The following MCF2L variants were observed in gnomAD, a reference collection of about 807,000 sequenced individuals.
The protein encoded by MCF2L is guanine nucleotide exchange factor DBS.
In MCF2L, 97 loss-of-function variants were observed where a neutral mutation model predicts 153.4. The ratio of observed to expected loss-of-function variants is 0.63; its 90% confidence interval spans 0.54 to 0.75. The LOEUF (loss-of-function observed/expected upper bound fraction) is 0.75. Ranked by LOEUF, MCF2L falls within the 30% of genes least tolerant of loss-of-function variation. The probability of loss-of-function intolerance (pLI) is 0.00; values close to 1 mark genes in which losing one functional copy is unlikely to be tolerated. For synonymous variants in MCF2L, 659 were observed against 632.2 expected (o/e 1.04, Z -0.64); for missense variants, 1,347 against 1,495.2 (o/e 0.90, Z 1.64).
intron 1 of MCF2L, among the ~76,000 whole-genome samples, chr13:112,994,970 G>A (rs979470768): frequency 5.3e-5 from 8 of 152,248 alleles, no homozygotes; most frequent in Non-Finnish European, 1.2e-4. Flanking sequence ...GGGCTGCGGA[G>A]ACTTCCCCAG....
At chr13:113,011,412 A>G (rs143746740) in intron 1 of MCF2L, among the ~76,000 whole-genome samples, 108 of 151,754 alleles carry the variant, frequency 7.1e-4, no homozygotes, top group African/African-American at 2.4e-3. Context: ...AGTGCAGATG[A>G]TGGACAGGTG....
intron 2 of MCF2L, chr13:112,909,397 C>G: frequency 1.3e-6 from 1 of 749,102 alleles, no homozygotes; most frequent in Non-Finnish European, 2.5e-6. Flanking sequence ...GGCGTTGATC[C>G]CAAGGGGCTG....
chr13:113,074,871 C>A lies in MCF2L; in HGVS notation c.1117-127C>A. On this transcript the variant is annotated intron_variant, in intron 10 of 29. Coordinates refer to ENST00000535094, the MANE Select transcript of MCF2L (RefSeq NM_001112732.3). The surrounding 1 kb of genome is among the most constrained non-coding windows in gnomAD (Gnocchi z 4.2). Reference sequence around the variant, plus strand: ...TTCGGGGATTAAGCAGCATCTCAGGCATCCGCAGCAGTAAACAAAGAAATC... The same window carrying A: ...TTCGGGGATTAAGCAGCATCTCAGGAATCCGCAGCAGTAAACAAAGAAATC... 2 of 903,416 alleles carry A rather than the reference C, an allele frequency of 2.2e-6. No individual in the cohort carries two copies. The highest frequency in any genetic ancestry group is 3.4e-6 in the Non-Finnish European group (2 of 594,206). The allele number at this position is 903,416 out of a possible 1,614,324, so 56.0% of individuals were successfully genotyped here. A position where few individuals can be genotyped will look rare whatever the true frequency, so the allele number is the denominator to read the frequency against.
chr13:113,096,081 G>A (rs887101298), intron 27 of MCF2L: 1 of 534,714 alleles, frequency 1.9e-6, no homozygotes, highest in African/African-American at 2.0e-5. Flanking sequence ...CGGGAGGCGG[G>A]TATGCAGGCG....
rs545752226 is a variant in MCF2L, at chr13:113,065,502, G to A, written c.756+417G>A. On this transcript the variant is annotated intron_variant, in intron 7 of 29. Transcript: ENST00000535094. ...GATGTCTGTGCCGGTTTCTCATGCC[G>A]AGCAGGCGATGAAGTGGCGGTTGGA... Among the ~76,000 whole-genome samples the A allele has an allele frequency of 3.6e-3, 545 of 152,362 alleles. 3 individuals are homozygous for A. Among genetic ancestry groups the A allele is most frequent in the South Asian group, 3.9e-3 (19 of 4,834 alleles).
intron 1 of MCF2L, among the ~76,000 whole-genome samples, chr13:113,003,325 T>C (rs2083488856): frequency 6.7e-6 from 1 of 149,788 alleles, no homozygotes; most frequent in Non-Finnish European, 1.5e-5. Context: ...CCCTGGGTTA[T>C]GGGGTTGGCT....
chr13:112,929,706 C>T (rs926927398), intron 2 of MCF2L, among the ~76,000 whole-genome samples: 3 of 152,220 alleles, frequency 2.0e-5, no homozygotes, highest in African/African-American at 4.8e-5. Context: ...CCAGAACCTC[C>T]GGCCTCGGGT....
intron 4 of MCF2L, among the ~76,000 whole-genome samples, chr13:113,055,675 A>T (rs2087716382): frequency 6.6e-6 from 1 of 152,156 alleles, no homozygotes; most frequent in African/African-American, 2.4e-5. Flanking sequence ...TGCTTCTCGA[A>T]GGAGGACTGC....
rs185187647 is a variant in MCF2L, at chr13:113,035,933, C to A, written c.279-9338C>A. ...GCCTTCCTCTCTGGTACAGCAGGGG[C>A]CTAAGGGATGTTTGACCTCAGCAGG... is the stretch of plus-strand genomic sequence containing the variant. On this transcript the variant is annotated intron_variant, in intron 3 of 29. Transcript: ENST00000535094. This position sits in a 1 kb window ranked among gnomAD's most constrained non-coding sequence, Gnocchi z 4.4. Among the ~76,000 whole-genome samples, 1 of 152,236 alleles carries A rather than the reference C, an allele frequency of 6.6e-6. No individual in the cohort carries two copies. The highest frequency in any genetic ancestry group is 6.5e-5 in the Admixed American group (1 of 15,292).
At chr13:113,030,492 C>A (rs1407588791) in intron 3 of MCF2L, among the ~76,000 whole-genome samples, 29 of 143,250 alleles carry the variant, frequency 2.0e-4, no homozygotes, top group Admixed American at 5.7e-4. Flanking sequence ...CCGCCGACGC[C>A]CGGTGTGGAC....
chr13:113,008,397 C>T (rs1158138663), intron 1 of MCF2L, among the ~76,000 whole-genome samples: 2 of 152,178 alleles, frequency 1.3e-5, no homozygotes, highest in East Asian at 3.8e-4. Context: ...TCATAGGAGT[C>T]CCACCTCTGC....
At chr13:113,079,411 A>G (rs200894875) in intron 15 of MCF2L, among the ~76,000 whole-genome samples, 1 of 150,466 alleles carries the variant, frequency 6.6e-6, no homozygotes, top group Admixed American at 6.6e-5. Context: ...CCGACCAGGC[A>G]CCCGCCACTG....
intron 2 of MCF2L, among the ~76,000 whole-genome samples, chr13:112,912,144 G>T (rs1443711175): frequency 6.6e-6 from 1 of 152,052 alleles, no homozygotes; most frequent in Non-Finnish European, 1.5e-5. Flanking sequence ...GTTAACATGT[G>T]TCTCTGTCCC....
chr13:112,914,308 G>A (rs189308946), intron 2 of MCF2L, among the ~76,000 whole-genome samples: 14 of 152,288 alleles, frequency 9.2e-5, no homozygotes, highest in South Asian at 4.1e-4. Flanking sequence ...GCGTCTGCAC[G>A]CTTCTCCCCT....
rs560141583 is a variant in MCF2L at position 113,015,648 on chromosome 13, G to A, written c.163+802G>A. On this transcript the variant is annotated intron_variant, in intron 2 of 29. Coordinates refer to ENST00000535094, the MANE Select transcript of MCF2L (RefSeq NM_001112732.3). ...ACAGAGCCAGCCTGCACCCCAGGCCGGGCCTTGGGGTCTGAGGGAGGCTGA... is the reference window on the plus strand; with the variant it reads ...ACAGAGCCAGCCTGCACCCCAGGCCAGGCCTTGGGGTCTGAGGGAGGCTGA... Among the ~76,000 whole-genome samples, 13 of 152,294 alleles carry A rather than the reference G, an allele frequency of 8.5e-5. No individual in the cohort carries two copies. The East Asian group carries it at 1.9e-3, about 23-fold the overall frequency.
intron 2 of MCF2L, among the ~76,000 whole-genome samples, chr13:112,911,005 G>A (rs564123301): frequency 6.6e-6 from 1 of 151,758 alleles, no homozygotes; most frequent in African/African-American, 2.4e-5. Context: ...AATTTGGGGG[G>A]TGGGGGCGGG....
At chr13:113,007,434 T>A (rs2083780621) in intron 1 of MCF2L, among the ~76,000 whole-genome samples, 1 of 152,190 alleles carries the variant, frequency 6.6e-6, no homozygotes, top group Non-Finnish European at 1.5e-5. Flanking sequence ...GACCCCTGCG[T>A]TGTGGTTCTG....
intron 2 of MCF2L, chr13:112,909,294 G>T (rs1315365790): frequency 2.6e-6 from 2 of 779,678 alleles, no homozygotes; most frequent in African/African-American, 3.4e-5. Context: ...TGTCCTGCCA[G>T]TCTCGGGAGG....
chr13:113,007,647 G>A (rs1173144084), intron 1 of MCF2L, among the ~76,000 whole-genome samples: 1 of 152,256 alleles, frequency 6.6e-6, no homozygotes, highest in Non-Finnish European at 1.5e-5. Context: ...AGACAGGGCT[G>A]AGGAAAGCAG....
Sources: allele counts gnomAD v4.1 joint callset (sites outside exome capture counted in the v4.1 genomes callset), GRCh38; gene constraint gnomAD v4.1.1; non-coding constraint Gnocchi (gnomAD v3.1); transcripts MANE v1.5; gene names NCBI Gene and HGNC (gene_info 2026-07-23, HGNC 2026-07-21).